The following SKAP1 variants were observed in gnomAD, a reference collection of about 807,000 sequenced individuals.
SKAP1 encodes src kinase associated phosphoprotein 1.
A neutral mutation model predicts 58.5 loss-of-function variants in SKAP1; 44 were observed. The observed-to-expected ratio is 0.75, with a 90% CI of 0.59 to 0.97. SKAP1 has a LOEUF of 0.97. SKAP1 is among the 50% of genes least tolerant of loss of function. The pLI is 0.00. For missense variants in SKAP1, 390 were observed against 435.2 expected (o/e 0.90, Z 0.92); for synonymous variants, 127 against 149.7 (o/e 0.85, Z 1.11).
At chr17:48,148,287 G>A (rs1191853296) in intron 11 of SKAP1, among the ~76,000 whole-genome samples, 1 of 152,156 alleles carries the variant, frequency 6.6e-6, no homozygotes, top group Non-Finnish European at 1.5e-5. Flanking sequence ...AAATAGGGCT[G>A]TAAAGAAAGA....
intron 11 of SKAP1, among the ~76,000 whole-genome samples, chr17:48,159,570 G>GT (rs2064039738): frequency 6.6e-6 from 1 of 152,214 alleles, no homozygotes; most frequent in African/African-American, 2.4e-5. Flanking sequence ...CAGCTGCAGA[G>GT]TGTAACGGAC....
At position 48,369,102 on chromosome 17, in the gene SKAP1, G is replaced by A. The variant is rs571049534; in HGVS notation, c.153-5288C>T. Among the ~76,000 whole-genome samples the A allele has an allele frequency of 9.2e-5, 14 of 151,894 alleles. No homozygotes were observed. In the East Asian group the frequency reaches 2.3e-3, roughly 25 times the overall value. On this transcript the variant is annotated intron_variant, in intron 2 of 12. Coordinates refer to ENST00000336915, the MANE Select transcript of SKAP1 (RefSeq NM_003726.4). ...GCAGAGGTTGCAGTGAGCCGAGATC[G>A]CGCCATGCACTCCAGCCTTGGCAAC... is the stretch of plus-strand genomic sequence containing the variant.
chr17:48,169,341 A>T (rs208017), intron 10 of SKAP1, among the ~76,000 whole-genome samples: 25,696 of 152,200 alleles, frequency 0.17, 2,236 homozygotes, highest in African/African-American at 0.18. Flanking sequence ...AGCTGTCCAC[A>T]TGAAGTGTTT....
intron 4 of SKAP1, among the ~76,000 whole-genome samples, chr17:48,235,840 G>C (rs1169047641): frequency 6.6e-6 from 1 of 152,118 alleles, no homozygotes; most frequent in Non-Finnish European, 1.5e-5. Flanking sequence ...TTACTCATCA[G>C]GAGCCTATAG....
intron 4 of SKAP1, among the ~76,000 whole-genome samples, chr17:48,272,116 T>G (rs897176708): frequency 6.8e-6 from 1 of 147,478 alleles, no homozygotes; most frequent in African/African-American, 2.5e-5. Context: ...GATTCTCAGA[T>G]GTTTTTAAAA....
intron 4 of SKAP1, among the ~76,000 whole-genome samples, chr17:48,215,484 G>A (rs1196368325): frequency 3.3e-5 from 5 of 152,198 alleles, no homozygotes; most frequent in Non-Finnish European, 7.3e-5. Flanking sequence ...AAGCAGAACC[G>A]AAGGAACACC....
chr17:48,320,563 T>C (rs909903125), intron 4 of SKAP1, among the ~76,000 whole-genome samples: 1 of 152,164 alleles, frequency 6.6e-6, no homozygotes, highest in Non-Finnish European at 1.5e-5. Context: ...AAAATCTTAC[T>C]AAGGCAAAGA....
At chr17:48,160,352 G>A (rs2064050457) in intron 11 of SKAP1, among the ~76,000 whole-genome samples, 1 of 151,916 alleles carries the variant, frequency 6.6e-6, no homozygotes, top group Non-Finnish European at 1.5e-5. Context: ...TGCCCAGGCT[G>A]GTCTTGAACT....
In SKAP1 at chr17:48,414,273, T is replaced by C. The variant is rs557379472; in HGVS notation, c.46+15802A>G. Reference sequence around the variant, plus strand: ...CCTCTCAGAGAACTCATCTTTCACCTGAAACCCCCAAAATTAGCAGGCCAA... The same window carrying C: ...CCTCTCAGAGAACTCATCTTTCACCCGAAACCCCCAAAATTAGCAGGCCAA... On this transcript the variant is annotated intron_variant, in intron 1 of 12. Transcript: ENST00000336915. 2.6e-4 allele frequency among the ~76,000 whole-genome samples: 39 copies of C among 152,140 alleles called. 1 individual carries two copies. The Middle Eastern group carries it at 0.02, about 80-fold the overall frequency.
At chr17:48,329,994 T>C (rs896452170) in intron 4 of SKAP1, among the ~76,000 whole-genome samples, 2 of 152,234 alleles carry the variant, frequency 1.3e-5, no homozygotes, top group Non-Finnish European at 2.9e-5. Context: ...AAATTTATTA[T>C]AGAAAGCAGG....
At chr17:48,137,717 C>G (rs1239928405) in intron 11 of SKAP1, among the ~76,000 whole-genome samples, 1 of 152,194 alleles carries the variant, frequency 6.6e-6, no homozygotes, top group Non-Finnish European at 1.5e-5. Context: ...ATTTATCAAG[C>G]ATCTTCTATG....
intron 4 of SKAP1, among the ~76,000 whole-genome samples, chr17:48,202,465 G>T (rs1598423475): frequency 1.3e-5 from 2 of 152,190 alleles, no homozygotes; most frequent in South Asian, 4.2e-4. Flanking sequence ...AGCAGTATGG[G>T]CTCAGAGACA....
At chr17:48,348,233 G>A (rs1389963705) in intron 3 of SKAP1, among the ~76,000 whole-genome samples, 1 of 151,506 alleles carries the variant, frequency 6.6e-6, no homozygotes, top group African/African-American at 2.4e-5. Flanking sequence ...CTAGCTACTT[G>A]AGAGGCTGAG....
At chr17:48,279,812 G>T (rs553182683) in intron 4 of SKAP1, among the ~76,000 whole-genome samples, 1 of 152,164 alleles carries the variant, frequency 6.6e-6, no homozygotes, top group Non-Finnish European at 1.5e-5. Context: ...CTCTGTTCTT[G>T]GGTCTTTCTC....
At chr17:48,343,546 GA>G (rs2066684748) in intron 4 of SKAP1, among the ~76,000 whole-genome samples, 1 of 131,796 alleles carries the variant, frequency 7.6e-6, no homozygotes. Context: ...GTCACTTTGG[GA>G]ATTCTTTAAT....
intron 4 of SKAP1, among the ~76,000 whole-genome samples, chr17:48,271,617 C>G (rs915561325): frequency 6.6e-6 from 1 of 152,100 alleles, no homozygotes; most frequent in Non-Finnish European, 1.5e-5. Flanking sequence ...CTGCCTCAGC[C>G]TCCCAAAGTG....
Position 48,144,362 on chromosome 17 carries a change from G to A in SKAP1, c.979-7025C>T, listed in dbSNP as rs531110528. Reference sequence around the variant, plus strand: ...TGCTCCAGCCCAGTCTGAACACCACGAGGTATTTTAAAATAATTTCTACTT... The same window carrying A: ...TGCTCCAGCCCAGTCTGAACACCACAAGGTATTTTAAAATAATTTCTACTT... On this transcript the variant is annotated intron_variant, in intron 11 of 12. Coordinates refer to ENST00000336915, the MANE Select transcript of SKAP1 (RefSeq NM_003726.4). Among the ~76,000 whole-genome samples the A allele has an allele frequency of 2.6e-5, 4 of 152,240 alleles. No individual in the cohort carries two copies. The South Asian group carries it at 6.2e-4, about 24-fold the overall frequency.
At chr17:48,205,791 G>A (rs2064803030) in intron 4 of SKAP1, among the ~76,000 whole-genome samples, 1 of 152,160 alleles carries the variant, frequency 6.6e-6, no homozygotes, top group Admixed American at 6.5e-5. Flanking sequence ...ATTTCCATTA[G>A]CATTCTCACA....
intron 1 of SKAP1, among the ~76,000 whole-genome samples, chr17:48,410,819 T>C (rs1343552817): frequency 1.3e-5 from 2 of 149,348 alleles, no homozygotes; most frequent in South Asian, 2.1e-4. Flanking sequence ...CCCAGCTACT[T>C]GGGAGGCTGA....
Sources: gnomAD v4.1 joint callset for allele counts (sites outside exome capture counted in the v4.1 genomes callset) on GRCh38, gnomAD v4.1.1 for gene constraint, MANE v1.5 for transcripts, NCBI Gene and HGNC (gene_info 2026-07-23, HGNC 2026-07-21) for gene names.